CCDC138: variants seen among roughly 807,000 people sequenced by gnomAD.
CCDC138 encodes the protein coiled-coil domain containing 138.
In CCDC138, 66 loss-of-function variants were observed where a neutral mutation model predicts 82.3. The observed-to-expected ratio is 0.80, with a 90% confidence interval of 0.66 to 0.98. The LOEUF (loss-of-function observed/expected upper bound fraction) is 0.98, where lower values mean the gene tolerates loss of function less well. Among genes scored for constraint, CCDC138 ranks in the 50% least tolerant of loss-of-function variants. CCDC138 has a pLI of 0.00. For synonymous variants in CCDC138, 297 were observed against 265.4 expected (o/e 1.12, Z -1.16); for missense variants, 816 against 758.9 (o/e 1.08, Z -0.88).
At chr2:108,821,859 T>C (rs1685759243) in intron 10 of CCDC138, among the ~76,000 whole-genome samples, 1 of 149,898 alleles carries the variant, frequency 6.7e-6, no homozygotes, top group Admixed American at 6.7e-5. Flanking sequence ...GCGGGAGAAT[T>C]GCTTGAACCC....
intron 13 of CCDC138, among the ~76,000 whole-genome samples, chr2:108,871,771 T>C (rs1175373856): frequency 2.6e-5 from 4 of 152,338 alleles, no homozygotes; most frequent in Middle Eastern, 3.4e-3. Context: ...GCACTTTTCA[T>C]CTTCCCCGCC....
chr2:108,800,049 CTATG>C (rs1236255740), intron 6 of CCDC138, among the ~76,000 whole-genome samples: 1 of 152,070 alleles, frequency 6.6e-6, no homozygotes, highest in South Asian at 2.1e-4. Flanking sequence ...AGTTTAAAAA[CTATG>C]TATCACCTGT....
chr2:108,846,691 A>G (rs1690541439), intron 11 of CCDC138, 47 bp from the exon 12 acceptor site: 1 of 1,518,104 alleles, frequency 6.6e-7, no homozygotes, highest in Non-Finnish European at 9.0e-7. Flanking sequence ...AAAAAGATAT[A>G]TTCTGAACAT....
At chr2:108,834,486 A>AT (rs1163445886) in intron 10 of CCDC138, among the ~76,000 whole-genome samples, 1 of 152,162 alleles carries the variant, frequency 6.6e-6, no homozygotes, top group East Asian at 1.9e-4. Context: ...AAGTGCTGGG[A>AT]TTACAGGCAT....
At chr2:108,874,694 G>T (rs989124173) in intron 14 of CCDC138, among the ~76,000 whole-genome samples, 1 of 152,078 alleles carries the variant, frequency 6.6e-6, no homozygotes, top group Admixed American at 6.6e-5. Flanking sequence ...AACATGCCTA[G>T]TAGAGGATTG....
chr2:108,820,931 C>G (rs543393977), intron 10 of CCDC138, among the ~76,000 whole-genome samples: 13 of 151,968 alleles, frequency 8.6e-5, no homozygotes, highest in Admixed American at 3.9e-4. Context: ...AATAAATGGA[C>G]AAATATAGTA....
At chr2:108,877,806 G>A (rs1696129329), downstream of CCDC138, among the ~76,000 whole-genome samples, 1 of 152,202 alleles carries the variant, frequency 6.6e-6, no homozygotes, top group Non-Finnish European at 1.5e-5. Flanking sequence ...AAAAACCTAT[G>A]AGAAAAGGGT....
At chr2:108,866,346 C>CTT (rs1694414512) in intron 13 of CCDC138, among the ~76,000 whole-genome samples, 1 of 152,190 alleles carries the variant, frequency 6.6e-6, no homozygotes, top group African/African-American at 2.4e-5. Flanking sequence ...ATCTGCAAAG[C>CTT]ATTTGTCTTA....
chr2:108,851,940 C>T (rs150615570), intron 12 of CCDC138, among the ~76,000 whole-genome samples: 40 of 152,246 alleles, frequency 2.6e-4, no homozygotes, highest in East Asian at 1.3e-3. Flanking sequence ...TGTGCCAAAA[C>T]GATACAATCT....
chr2:108,787,024 C>A, intron 1 of CCDC138, 109 bp downstream of exon 1: 1 of 592,092 alleles, frequency 1.7e-6, no homozygotes, highest in Non-Finnish European at 2.5e-6. Flanking sequence ...GGTCCCGGCC[C>A]CGGCACTCCC....
At chr2:108,843,383 C>G (rs1488509894) in intron 11 of CCDC138, among the ~76,000 whole-genome samples, 1 of 152,126 alleles carries the variant, frequency 6.6e-6, no homozygotes, top group Admixed American at 6.5e-5. Context: ...GTCTCGAACT[C>G]CTGACCTCAA....
intron 1 of CCDC138, among the ~76,000 whole-genome samples, chr2:108,881,698 A>T (rs1471563287): frequency 6.6e-6 from 1 of 152,192 alleles, no homozygotes; most frequent in Non-Finnish European, 1.5e-5. Context: ...CAGTATTGTT[A>T]TGTCTCAGGA....
intron 10 of CCDC138, among the ~76,000 whole-genome samples, chr2:108,832,178 C>T (rs745598111): frequency 3.3e-5 from 5 of 151,676 alleles, no homozygotes; most frequent in African/African-American, 7.3e-5. Context: ...TACAGGTGTA[C>T]GCCATCACAC....
chr2:108,822,269 T>C (rs1685831986), intron 10 of CCDC138, among the ~76,000 whole-genome samples: 1 of 152,038 alleles, frequency 6.6e-6, no homozygotes, highest in Admixed American at 6.6e-5. Flanking sequence ...AAATGAGAAA[T>C]ATTTATGCCC....
At chr2:108,820,699 C>CAAAAAAA (rs764017401) in intron 10 of CCDC138, among the ~76,000 whole-genome samples, 60 of 62,566 alleles carry the variant, frequency 9.6e-4, no homozygotes, top group African/African-American at 2.9e-3. Context: ...ATTCAAAGTG[C>CAAAAAAA]AAAAAAAAAA....
At chr2:108,806,387 A>G (rs752527625) in intron 7 of CCDC138, among the ~76,000 whole-genome samples, 4 of 152,296 alleles carry the variant, frequency 2.6e-5, no homozygotes, top group Non-Finnish European at 4.4e-5. Flanking sequence ...ATTGGGGTGG[A>G]TATGTGGATT....
At chr2:108,852,325 A>G (rs995382715) in intron 12 of CCDC138, among the ~76,000 whole-genome samples, 7 of 152,200 alleles carry the variant, frequency 4.6e-5, no homozygotes, top group East Asian at 1.9e-4. Flanking sequence ...TAGTTCAGCC[A>G]TTGTGGAAGA....
intron 7 of CCDC138, among the ~76,000 whole-genome samples, chr2:108,809,445 ATGT>A (rs1056461789): frequency 1.6e-5 from 2 of 123,684 alleles, no homozygotes; most frequent in Admixed American, 1.7e-4. Flanking sequence ...TGAACATGAA[ATGT>A]TGTGTGTGTG....
chr2:108,815,480 T>TG (rs1422789621), intron 9 of CCDC138, among the ~76,000 whole-genome samples: 4 of 145,370 alleles, frequency 2.8e-5, no homozygotes, highest in African/African-American at 1.0e-4. Flanking sequence ...TTTTTTTTTT[T>TG]TTTTGAGATG....
Sources: allele counts gnomAD v4.1 joint callset (sites outside exome capture counted in the v4.1 genomes callset), GRCh38; gene constraint gnomAD v4.1.1; transcripts MANE v1.5; gene names NCBI Gene and HGNC (gene_info 2026-07-23, HGNC 2026-07-21).